NDUFA12: variants seen among roughly 807,000 people sequenced by gnomAD.
NDUFA12 encodes the protein NADH:ubiquinone oxidoreductase subunit A12.
A neutral mutation model predicts 20.3 loss-of-function variants in NDUFA12; 17 were observed. That is an observed-to-expected ratio of 0.84 (90% CI 0.57 to 1.26). NDUFA12 has a LOEUF of 1.26. Among genes scored for constraint, NDUFA12 ranks in the 50% most tolerant of loss-of-function variants. NDUFA12 has a pLI of 0.00. For synonymous variants in NDUFA12, 72 were observed against 63.6 expected (o/e 1.13, Z -0.63); for missense variants, 191 against 183.7 (o/e 1.04, Z -0.23).
At chr12:94,987,259 C>T (rs1169536218) in intron 3 of NDUFA12, among the ~76,000 whole-genome samples, 1 of 152,076 alleles carries the variant, frequency 6.6e-6, no homozygotes, top group Non-Finnish European at 1.5e-5. Context: ...GAGGGACCTT[C>T]AACAATATAA....
intron 3 of NDUFA12, among the ~76,000 whole-genome samples, chr12:94,984,528 C>T (rs533427418): frequency 4.6e-5 from 7 of 151,426 alleles, no homozygotes; most frequent in Admixed American, 1.3e-4. Context: ...GAAACTCCGT[C>T]TCCAAAGAAA....
At chr12:94,974,204 T>G (rs1206667132) in intron 3 of NDUFA12, among the ~76,000 whole-genome samples, 2 of 152,004 alleles carry the variant, frequency 1.3e-5, no homozygotes, top group African/African-American at 2.4e-5. Flanking sequence ...ACTCCTGGCC[T>G]CCAGTGATTT....
rs183579321 is a variant in NDUFA12, at chr12:94,994,212, T to C, written c.215A>G (p.Asn72Ser). Residue 72 changes from asparagine (N) to serine (S), a missense_variant, in exon 3 of 4, where the codon AAC (asparagine) becomes AGC (serine). By Grantham distance (46) the Asn-to-Ser change is conservative. Coordinates refer to ENST00000327772, the MANE Select transcript of NDUFA12 (RefSeq NM_018838.5). ...VVYTTEMNGK[N>S]TFWDVDGSMV... ...GCTTCCATCCACATCCCAGAATGTG[T>C]TTTTGCCATTCATTTCAGTAGTATA... 3.1e-5 allele frequency: 50 copies of C among 1,614,132 alleles called. No homozygotes were observed. The East Asian group carries it at 7.1e-4, about 23-fold the overall frequency.
rs182498999 is a variant in NDUFA12 at position 94,980,865 on chromosome 12, A to G, written c.258-9245T>C. ...AGGACTTCAAGGTTCCAATACTTCA[A>G]ACCACAAAAAGCACATCTTTATTTC... On this transcript the variant is annotated intron_variant, in intron 3 of 3. Transcript: ENST00000327772. Among the ~76,000 whole-genome samples the G allele has an allele frequency of 1.1e-3, 160 of 152,250 alleles. 1 individual carries two copies. Among genetic ancestry groups the G allele is most frequent in the African/African-American group, 3.7e-3 (155 of 41,558 alleles).
At chr12:94,997,805 C>T (rs1193103071) in intron 2 of NDUFA12, among the ~76,000 whole-genome samples, 2 of 73,686 alleles carry the variant, frequency 2.7e-5, no homozygotes, top group Non-Finnish European at 7.0e-5. Flanking sequence ...AAGGGATACT[C>T]AAACTGTAAA....
At chr12:94,972,071 T>A (rs557254433) in intron 3 of NDUFA12, among the ~76,000 whole-genome samples, 3 of 152,204 alleles carry the variant, frequency 2.0e-5, no homozygotes, top group Admixed American at 2.0e-4. Flanking sequence ...TACAAGAGCA[T>A]GCCACCACCA....
intron 3 of NDUFA12, among the ~76,000 whole-genome samples, chr12:94,980,119 C>T (rs1175225325): frequency 1.3e-5 from 2 of 152,178 alleles, no homozygotes; most frequent in African/African-American, 2.4e-5. Flanking sequence ...ACCTTGCTAG[C>T]TACTTACCTT....
chr12:94,978,083 A>G (rs1874115715), intron 3 of NDUFA12, among the ~76,000 whole-genome samples: 1 of 152,234 alleles, frequency 6.6e-6, no homozygotes, highest in South Asian at 2.1e-4. Flanking sequence ...CAGGGCTGTG[A>G]CTAGGACAGT....
chr12:94,988,619 G>C (rs956876037), intron 3 of NDUFA12, among the ~76,000 whole-genome samples: 9 of 152,298 alleles, frequency 5.9e-5, no homozygotes, highest in Middle Eastern at 3.4e-3. Flanking sequence ...TGGGCCAGCA[G>C]CGTGGGTCAG....
At chr12:94,980,107 C>T (rs978548236) in intron 3 of NDUFA12, among the ~76,000 whole-genome samples, 3 of 152,182 alleles carry the variant, frequency 2.0e-5, no homozygotes, top group Non-Finnish European at 4.4e-5. Flanking sequence ...CCCTTTCCTC[C>T]TACCTTGCTA....
Position 94,997,119 on chromosome 12 carries a change from T to C in NDUFA12, c.170-2862A>G, listed in dbSNP as rs76042300. The C allele has an allele frequency of 9.9e-3, 2,519 of 254,916 alleles. 60 individuals carry two copies. The highest frequency in any genetic ancestry group is 0.054 in the African/African-American group (2,313 of 43,230). 15.8% of individuals were successfully genotyped at this position (254,916 alleles called of 1,614,324 possible). A position where few individuals can be genotyped will look rare whatever the true frequency, so the allele number is the denominator to read the frequency against. ...TCCTCAGGAGGCTAAGGCGGGAGGA[T>C]TGCTTGAGCTCAGGAGTTCAAGACC... On this transcript the variant is annotated intron_variant, in intron 2 of 3. Transcript: ENST00000327772.
chr12:94,990,378 A>T (rs889792353), intron 3 of NDUFA12, among the ~76,000 whole-genome samples: 14 of 152,198 alleles, frequency 9.2e-5, no homozygotes, highest in Non-Finnish European at 1.8e-4. Flanking sequence ...ATGATGTAGC[A>T]TGAGAAAGCT....
chr12:94,979,300 G>A (rs1874160074), intron 3 of NDUFA12, among the ~76,000 whole-genome samples: 1 of 152,104 alleles, frequency 6.6e-6, no homozygotes, highest in South Asian at 2.1e-4. Context: ...AATAGTTGTT[G>A]AATCAGTGAA....
At chr12:94,972,023 T>C (rs11837672) in intron 3 of NDUFA12, among the ~76,000 whole-genome samples, 39,209 of 151,970 alleles carry the variant, frequency 0.26, 5,363 homozygotes, top group Non-Finnish European at 0.26. Context: ...CCTGGGCTCA[T>C]GTGATACTCC....
At chr12:94,992,674 G>C (rs1289113662) in intron 3 of NDUFA12, among the ~76,000 whole-genome samples, 1 of 152,196 alleles carries the variant, frequency 6.6e-6, no homozygotes, top group Non-Finnish European at 1.5e-5. Context: ...CAGAGCACTT[G>C]CCTGTGTCAG....
chr12:94,995,457 G>A (rs74891099), intron 2 of NDUFA12, among the ~76,000 whole-genome samples: 7 of 152,024 alleles, frequency 4.6e-5, no homozygotes, highest in African/African-American at 7.2e-5. Flanking sequence ...CTCTCTCTCT[G>A]TCTGTCTCTC....
In NDUFA12 at chr12:94,978,800, A is replaced by T. The variant is rs185502933; in HGVS notation, c.258-7180T>A. On this transcript the variant is annotated intron_variant, in intron 3 of 3. Transcript: ENST00000327772. ...AGAATGAAAAACAATTAGGTTTTTA[A>T]ATTTGCAACTATAATAAATAGTATA... is the stretch of plus-strand genomic sequence containing the variant. 1.4e-4 allele frequency among the ~76,000 whole-genome samples: 21 copies of T among 152,322 alleles called. No homozygotes were observed. The East Asian group carries it at 4.0e-3, about 29-fold the overall frequency.
chr12:94,975,478 T>C (rs920256312), intron 3 of NDUFA12, among the ~76,000 whole-genome samples: 1 of 152,228 alleles, frequency 6.6e-6, no homozygotes, highest in Non-Finnish European at 1.5e-5. Flanking sequence ...AGTACTCATA[T>C]ACTATTCAAT....
At chr12:94,997,804 T>TCAAA (rs36104943) in intron 2 of NDUFA12, among the ~76,000 whole-genome samples, 46,656 of 151,958 alleles carry the variant, frequency 0.31, 7,550 homozygotes, top group East Asian at 0.42. Flanking sequence ...TAAGGGATAC[T>TCAAA]CAAACTGTAA....
Sources: allele counts gnomAD v4.1 joint callset (sites outside exome capture counted in the v4.1 genomes callset), GRCh38; gene constraint gnomAD v4.1.1; transcripts MANE v1.5; gene names NCBI Gene and HGNC (gene_info 2026-07-23, HGNC 2026-07-21).